The following CALN1 variants were observed in gnomAD, a reference collection of about 807,000 sequenced individuals.
CALN1 encodes calneuron 1.
Under a neutral mutation model 30.6 loss-of-function variants are expected in CALN1, and 17 were observed. That is an observed-to-expected ratio of 0.56 (90% CI 0.38 to 0.83). CALN1 has a LOEUF of 0.83. CALN1 is among the 40% of genes least tolerant of loss of function. The pLI is 0.00. For missense variants in CALN1, 291 were observed against 354.9 expected (o/e 0.82, Z 1.45); for synonymous variants, 156 against 131.4 (o/e 1.19, Z -1.28).
intron 2 of CALN1, among the ~76,000 whole-genome samples, chr7:72,293,540 G>A (rs1056202462): frequency 6.6e-6 from 1 of 152,158 alleles, no homozygotes; most frequent in African/African-American, 2.4e-5. Context: ...CCTATTGCCA[G>A]GGAATCTGGA....
chr7:72,410,976 G>A (rs1389325528), intron 1 of CALN1, among the ~76,000 whole-genome samples: 6 of 152,264 alleles, frequency 3.9e-5, no homozygotes, highest in African/African-American at 1.2e-4. Context: ...AAGGTGATAT[G>A]ATTATATGTA....
At chr7:72,379,132 G>A (rs1339114586) in intron 2 of CALN1, among the ~76,000 whole-genome samples, 1 of 152,038 alleles carries the variant, frequency 6.6e-6, no homozygotes, top group Admixed American at 6.6e-5. Context: ...GTGTTCATAA[G>A]TTTTTGTATT....
intron 2 of CALN1, among the ~76,000 whole-genome samples, chr7:72,330,268 G>C (rs1183020281): frequency 6.6e-6 from 1 of 152,106 alleles, no homozygotes; most frequent in East Asian, 1.9e-4. Flanking sequence ...ACTCCAGCCT[G>C]GGTGACACAG....
chr7:72,409,867 C>T (rs192434009), intron 1 of CALN1, among the ~76,000 whole-genome samples: 4 of 152,226 alleles, frequency 2.6e-5, no homozygotes, highest in Admixed American at 2.0e-4. Flanking sequence ...TCTTTTGCAT[C>T]TTGTGGTCTC....
intron 3 of CALN1, among the ~76,000 whole-genome samples, chr7:72,258,340 T>A (rs894238079): frequency 1.3e-5 from 2 of 152,122 alleles, no homozygotes; most frequent in African/African-American, 2.4e-5. Context: ...ATATTTCTGA[T>A]ACCCTGAAAA....
intron 5 of CALN1, among the ~76,000 whole-genome samples, chr7:71,837,695 G>A (rs996136242): frequency 6.6e-6 from 1 of 152,094 alleles, no homozygotes; most frequent in Admixed American, 6.6e-5. Context: ...TTCAAGAATG[G>A]GGGTAAAACA....
intron 2 of CALN1, among the ~76,000 whole-genome samples, chr7:72,279,916 G>A (rs929398456): frequency 1.3e-5 from 2 of 152,164 alleles, no homozygotes; most frequent in African/African-American, 4.8e-5. Context: ...CACAAGGAGT[G>A]GGTAGAGAAC....
intron 4 of CALN1, among the ~76,000 whole-genome samples, chr7:72,040,772 C>T (rs1334808217): frequency 6.6e-6 from 1 of 152,156 alleles, no homozygotes; most frequent in African/African-American, 2.4e-5. Context: ...TGAGGTTGGG[C>T]TTCCAGCCTT....
intron 4 of CALN1, among the ~76,000 whole-genome samples, chr7:72,085,521 GGTTT>G (rs1805428667): frequency 6.6e-6 from 1 of 152,004 alleles, no homozygotes; most frequent in Non-Finnish European, 1.5e-5. Context: ...GTATATACAG[GGTTT>G]GGTATTATGC....
intron 5 of CALN1, among the ~76,000 whole-genome samples, chr7:71,868,370 CTT>C (rs11350119): frequency 0.03 from 4,170 of 136,948 alleles, 181 homozygotes; most frequent in African/African-American, 0.1. Context: ...GTGCTACACA[CTT>C]TTTTTTTTTT....
chr7:72,287,466 GAC>G (rs1312512341), intron 2 of CALN1, among the ~76,000 whole-genome samples: 4 of 85,640 alleles, frequency 4.7e-5, no homozygotes, highest in South Asian at 8.0e-4. Context: ...TTTTTTTTGA[GAC>G]AGAGTCTCGG....
the CALN1 span, among the ~76,000 whole-genome samples, chr7:72,469,740 T>C: frequency 1.3e-5 from 2 of 152,206 alleles, no homozygotes; most frequent in African/African-American, 4.8e-5. Context: ...TTGATAAAAC[T>C]ATCTATCCTA....
At position 72,271,923 on chromosome 7, in the gene CALN1, G is replaced by A. The variant is rs117079370; in HGVS notation, c.244+6763C>T. ...CTAAAAATACAAAATGTAGGCGGGC[G>A]TGATGGTGGGCACCTGTAATCCCAG... On this transcript the variant is annotated intron_variant, in intron 3 of 6. Coordinates refer to ENST00000395275, the MANE Select transcript of CALN1 (RefSeq NM_031468.4). Among the ~76,000 whole-genome samples, 294 of 151,890 alleles carry A rather than the reference G, an allele frequency of 1.9e-3. 6 individuals are homozygous for A. Among genetic ancestry groups the A allele is most frequent in the East Asian group, 6.8e-3 (35 of 5,118 alleles).
chr7:72,147,453 A>C (rs1472252632), intron 3 of CALN1, among the ~76,000 whole-genome samples: 1 of 143,544 alleles, frequency 7.0e-6, no homozygotes, highest in Non-Finnish European at 1.5e-5. Flanking sequence ...GATCATTAAA[A>C]AGTCAGGAAA....
At chr7:71,975,075 T>A (rs566745580) in intron 5 of CALN1, among the ~76,000 whole-genome samples, 4 of 152,304 alleles carry the variant, frequency 2.6e-5, no homozygotes, top group African/African-American at 9.6e-5. Flanking sequence ...AATTAGTCAC[T>A]GGCTGTGTTT....
intron 5 of CALN1, among the ~76,000 whole-genome samples, chr7:71,923,001 C>CACTATACTAT (rs550302385): frequency 2.1e-5 from 3 of 145,610 alleles, no homozygotes; most frequent in African/African-American, 5.2e-5. Context: ...TATCTAACTA[C>CACTATACTAT]ACTATACTAT....
chr7:71,842,628 T>C (rs1189304186), intron 5 of CALN1, among the ~76,000 whole-genome samples: 1 of 152,216 alleles, frequency 6.6e-6, no homozygotes, highest in Non-Finnish European at 1.5e-5. Context: ...TGCTTCCATT[T>C]GCAACGTTCA....
At chr7:71,809,448 G>A (rs1230810619) in intron 6 of CALN1, among the ~76,000 whole-genome samples, 1 of 77,530 alleles carries the variant, frequency 1.3e-5, no homozygotes, top group African/African-American at 5.3e-5. Flanking sequence ...TATGTATACT[G>A]ACTTATTTAA....
At chr7:72,119,691 T>C (rs1397149777) in intron 3 of CALN1, among the ~76,000 whole-genome samples, 1 of 152,136 alleles carries the variant, frequency 6.6e-6, no homozygotes, top group East Asian at 1.9e-4. Context: ...GAAAGGCATG[T>C]CTTGCATGGT....
Sources: allele counts gnomAD v4.1 joint callset (sites outside exome capture counted in the v4.1 genomes callset), GRCh38; gene constraint gnomAD v4.1.1; transcripts MANE v1.5; gene names NCBI Gene and HGNC (gene_info 2026-07-23, HGNC 2026-07-21).